The following SLC2A13 variants were observed in gnomAD, a reference collection of about 807,000 sequenced individuals.
SLC2A13 encodes solute carrier family 2 member 13.
A neutral mutation model predicts 64.4 loss-of-function variants in SLC2A13; 32 were observed. The ratio of observed to expected loss-of-function variants is 0.50; its 90% CI spans 0.37 to 0.67. The LOEUF is 0.67. SLC2A13 is among the 30% of genes least tolerant of loss of function. The pLI is 0.00. For missense variants in SLC2A13, 743 were observed against 829.2 expected (o/e 0.90, Z 1.28); for synonymous variants, 338 against 327.1 (o/e 1.03, Z -0.36).
chr12:39,830,376 G>A, intron 6 of SLC2A13, 148 bp from the exon 7 acceptor site: 1 of 1,413,304 alleles, frequency 7.1e-7, no homozygotes, highest in African/African-American at 1.4e-5. Flanking sequence ...AAAGTGACAT[G>A]CGCTGAGCCA....
At chr12:39,930,152 A>C (rs199957894) in intron 4 of SLC2A13, among the ~76,000 whole-genome samples, 4 of 151,866 alleles carry the variant, frequency 2.6e-5, no homozygotes, top group Non-Finnish European at 4.4e-5. Flanking sequence ...AAAACCAAAA[A>C]ACGAAAAAGA....
chr12:39,793,367 G>A (rs1941471436), intron 7 of SLC2A13, among the ~76,000 whole-genome samples: 1 of 152,060 alleles, frequency 6.6e-6, no homozygotes, highest in South Asian at 2.1e-4. Context: ...CCTTGTTTAT[G>A]GGTTTATTGG....
At chr12:40,066,025 CA>C (rs1442003880) in intron 1 of SLC2A13, among the ~76,000 whole-genome samples, 1 of 152,178 alleles carries the variant, frequency 6.6e-6, no homozygotes, top group African/African-American at 2.4e-5. Flanking sequence ...GCACACTTTT[CA>C]AAAAGCTTTA....
rs1324032291 is a variant in SLC2A13, at chr12:40,028,366, G to T, written c.860C>A (p.Thr287Asn). ...GATGCTATCATATTCCTCATCAATGGTCTGGTTACCACGCATCTGAGATAA... is the reference window on the plus strand; with the variant it reads ...GATGCTATCATATTCCTCATCAATGTTCTGGTTACCACGCATCTGAGATAA... ...RILSQMRGNQ[T>N]IDEEYDSIKN... Residue 287 changes from threonine (T) to asparagine (N), a missense_variant, in exon 3 of 10, where the codon ACC (threonine) becomes AAC (asparagine). Thr to Asn is a moderately conservative substitution (Grantham distance 65). Around this residue, in one of 2 missense-constraint regions of SLC2A13, gnomAD observed 448 missense variants for 447.4 expected, o/e 1.00. Transcript: ENST00000280871. The T allele has an allele frequency of 6.2e-7, 1 of 1,613,736 alleles. No homozygotes were observed. The highest frequency in any genetic ancestry group is 1.7e-5 in the Admixed American group (1 of 59,986).
chr12:39,810,615 A>G (rs759310156), intron 7 of SLC2A13, among the ~76,000 whole-genome samples: 3 of 152,180 alleles, frequency 2.0e-5, no homozygotes, highest in Non-Finnish European at 4.4e-5. Context: ...TAGGTTTTTA[A>G]GAGATGTTAT....
At chr12:39,916,361 A>G (rs1945521193) in intron 4 of SLC2A13, among the ~76,000 whole-genome samples, 1 of 151,980 alleles carries the variant, frequency 6.6e-6, no homozygotes, top group South Asian at 2.1e-4. Context: ...AAAAACATAA[A>G]AAACATGTAG....
intron 6 of SLC2A13, among the ~76,000 whole-genome samples, chr12:39,842,780 T>A (rs1477305926): frequency 6.6e-6 from 1 of 151,978 alleles, no homozygotes; most frequent in Non-Finnish European, 1.5e-5. Flanking sequence ...CAATTCCCAC[T>A]TTTCATCACC....
intron 3 of SLC2A13, among the ~76,000 whole-genome samples, chr12:39,974,942 G>A (rs112665327): frequency 0.012 from 1,804 of 152,132 alleles, 21 homozygotes; most frequent in Non-Finnish European, 0.015. Flanking sequence ...TTGTGTTCAG[G>A]CACTTTTATG....
chr12:39,829,075 CAAGAT>C (rs1181834069), intron 7 of SLC2A13, among the ~76,000 whole-genome samples: 1 of 150,538 alleles, frequency 6.6e-6, no homozygotes, highest in Admixed American at 6.7e-5. Context: ...TATGAGTAGA[CAAGAT>C]AAGAGAATAT....
chr12:39,871,085 A>G (rs1311907323), intron 5 of SLC2A13, among the ~76,000 whole-genome samples: 3 of 152,208 alleles, frequency 2.0e-5, no homozygotes, highest in Non-Finnish European at 4.4e-5. Flanking sequence ...TATTTGAAAA[A>G]AATTAGAAAA....
intron 1 of SLC2A13, among the ~76,000 whole-genome samples, chr12:40,063,974 G>C (rs564290020): frequency 6.6e-6 from 1 of 152,250 alleles, no homozygotes; most frequent in Admixed American, 6.5e-5. Flanking sequence ...CAGGCATGGT[G>C]ACTCATGCCT....
chr12:39,798,031 A>C (rs1217120133), intron 7 of SLC2A13, among the ~76,000 whole-genome samples: 1 of 152,200 alleles, frequency 6.6e-6, no homozygotes, highest in Non-Finnish European at 1.5e-5. Context: ...TCAGAAGCTA[A>C]GATCAAAGAT....
chr12:39,978,982 G>C (rs546336486), intron 3 of SLC2A13, among the ~76,000 whole-genome samples: 24 of 148,782 alleles, frequency 1.6e-4, no homozygotes, highest in African/African-American at 3.7e-4. Context: ...ATCTGAGAAC[G>C]GGCAGACTGC....
intron 7 of SLC2A13, among the ~76,000 whole-genome samples, chr12:39,793,281 G>A (rs552391301): frequency 6.6e-6 from 1 of 152,154 alleles, no homozygotes; most frequent in South Asian, 2.1e-4. Context: ...TCTGACAAAA[G>A]ACGTGCAAAA....
chr12:40,071,155 T>C (rs886066443), intron 1 of SLC2A13, among the ~76,000 whole-genome samples: 5 of 152,160 alleles, frequency 3.3e-5, no homozygotes, highest in African/African-American at 1.2e-4. Context: ...ATTTTTGGGC[T>C]CTCTGTCTCA....
intron 2 of SLC2A13, among the ~76,000 whole-genome samples, chr12:40,035,829 A>G (rs556755355): frequency 6.6e-6 from 1 of 152,318 alleles, no homozygotes; most frequent in Admixed American, 6.5e-5. Flanking sequence ...AAATGTCATG[A>G]TTATAGTGGA....
chr12:39,903,480 T>C (rs1243220206), intron 4 of SLC2A13, among the ~76,000 whole-genome samples: 2 of 152,046 alleles, frequency 1.3e-5, no homozygotes, highest in African/African-American at 4.8e-5. Flanking sequence ...TTCTGAAAAA[T>C]GCCATTCTAG....
At chr12:39,922,786 G>A (rs1945637227) in intron 4 of SLC2A13, among the ~76,000 whole-genome samples, 1 of 151,680 alleles carries the variant, frequency 6.6e-6, no homozygotes, top group Non-Finnish European at 1.5e-5. Context: ...AGATAAGCTA[G>A]TCTTACAAAA....
intron 4 of SLC2A13, among the ~76,000 whole-genome samples, chr12:39,890,954 G>A (rs1944590522): frequency 6.6e-6 from 1 of 151,960 alleles, no homozygotes. Flanking sequence ...CATACATGAT[G>A]CAAAGTGAAA....
Sources: allele counts gnomAD v4.1 joint callset (sites outside exome capture counted in the v4.1 genomes callset), GRCh38; gene constraint gnomAD v4.1.1; regional missense constraint gnomAD v4.1.1; transcripts MANE v1.5; gene names NCBI Gene and HGNC (gene_info 2026-07-23, HGNC 2026-07-21).